Variants in ATRIP observed in about 807,000 individuals in gnomAD.
ATRIP encodes ATR-interacting protein.
ATRIP carries 44 observed loss-of-function variants against 78.1 expected under a neutral mutation model. The observed-to-expected ratio is 0.56, with a 90% CI of 0.44 to 0.72. The LOEUF is 0.72. Ranked by LOEUF, ATRIP falls within the 30% of genes least tolerant of loss-of-function variation. The pLI is 0.00. For missense variants in ATRIP, 927 were observed against 980.2 expected, an observed-to-expected ratio of 0.95 and a Z score of 0.72; for synonymous variants, 388 against 408.9, an observed-to-expected ratio of 0.95 and a Z score of 0.62.
At position 48,466,400 on chromosome 3, in the gene ATRIP, A is replaced by G. The variant is rs2040297573; in HGVS notation, c.*846A>G. On this transcript the variant is annotated 3_prime_UTR_variant, in exon 13 of 13. Transcript: ENST00000320211. ...TAAGGGGGCACTAGGGGAGGGGCCG[A>G]GTCATGTGAAGAGGGAGACCCTCTC... 10 of 1,577,072 alleles carry G rather than the reference A, an allele frequency of 6.3e-6. No homozygotes were observed. Among genetic ancestry groups the G allele is most frequent in the Non-Finnish European group, 8.7e-6 (10 of 1,151,602 alleles).
chr3:48,456,017 A>C (rs972332113), intron 4 of ATRIP, among the ~76,000 whole-genome samples: 4 of 152,084 alleles, frequency 2.6e-5, no homozygotes, highest in African/African-American at 9.7e-5. Context: ...GCTATTTGGG[A>C]GGCTGAGGCA....
rs778812101 is a variant in ATRIP at position 48,464,944 on chromosome 3, G to A, written c.2169G>A (p.Thr723=). Residue 723 remains threonine (T), a synonymous_variant, in exon 12 of 13, where the codon ACG becomes ACA. Transcript: ENST00000320211. Reference sequence around the variant, plus strand: ...GGACAGTGCGCTGTCTGCGGGACACGGTGCTGCTGCTGCACGGCCTATCGC... The same window carrying A: ...GGACAGTGCGCTGTCTGCGGGACACAGTGCTGCTGCTGCACGGCCTATCGC... The part of the protein sequence containing the change: ...QRRTVRCLRD[T]VLLLHGLSQK... The A allele has an allele frequency of 1.2e-5, 20 of 1,614,048 alleles. No individual in the cohort carries two copies. The highest frequency in any genetic ancestry group is 6.7e-5 in the Admixed American group (4 of 60,010).
At chr3:48,461,207 C>G (rs747654) in intron 8 of ATRIP, among the ~76,000 whole-genome samples, 2 of 152,140 alleles carry the variant, frequency 1.3e-5, no homozygotes, top group Non-Finnish European at 2.9e-5. Flanking sequence ...CTGCAGCCCA[C>G]GGGCTGACCT....
At chr3:48,457,930 G>T (rs990734369) in intron 5 of ATRIP, among the ~76,000 whole-genome samples, 1 of 151,972 alleles carries the variant, frequency 6.6e-6, no homozygotes, top group Non-Finnish European at 1.5e-5. Flanking sequence ...ACGTGCAGGT[G>T]TGTTACGTAT....
rs199694872 is a variant in ATRIP, at chr3:48,460,628, C to T, written c.1574C>T (p.Ala525Val). Reference sequence around the variant, plus strand: ...CTTAGTGATGGAGATATGACCTCAGCCCTAAGGGGGGTTGCTGATGACCAA... The same window carrying T: ...CTTAGTGATGGAGATATGACCTCAGTCCTAAGGGGGGTTGCTGATGACCAA... ...HRLSDGDMTS[A>V]LRGVADDQGQ... Residue 525 changes from alanine (A) to valine (V), a missense_variant, in exon 8 of 13, where the codon GCC (alanine) becomes GTC (valine). By Grantham distance (64) the Ala-to-Val change is moderately conservative. Coordinates refer to ENST00000320211, the MANE Select transcript of ATRIP (RefSeq NM_130384.3). 1.9e-6 allele frequency: 3 copies of T among 1,614,152 alleles called. No individual in the cohort carries two copies. Among genetic ancestry groups the T allele is most frequent in the Non-Finnish European group, 2.5e-6 (3 of 1,180,008 alleles).
Position 48,454,885 on chromosome 3 carries a change from C to T in ATRIP, c.671+467C>T, listed in dbSNP as rs144021211. ...TTTTTTTTTTCTTTTTTTTTTGAGA[C>T]AGAGTCTCGCTCTGTCACCCAGGCT... On this transcript the variant is annotated intron_variant, in intron 4 of 12. Transcript: ENST00000320211. Among the ~76,000 whole-genome samples the T allele has an allele frequency of 3.4e-3, 493 of 143,278 alleles. 3 individuals carry two copies. Among genetic ancestry groups the T allele is most frequent in the African/African-American group, 0.012 (472 of 39,456 alleles). The allele number at this position is 143,278 out of a possible 152,430, so 94.0% of individuals were successfully genotyped here.
intron 8 of ATRIP, among the ~76,000 whole-genome samples, chr3:48,461,727 G>A (rs541620173): frequency 3.3e-5 from 5 of 152,108 alleles, no homozygotes; most frequent in African/African-American, 1.2e-4. Context: ...GTTTTGAGAC[G>A]AAGTTTTGCT....
At chr3:48,452,724 G>T (rs2039863855) in intron 3 of ATRIP, among the ~76,000 whole-genome samples, 1 of 151,994 alleles carries the variant, frequency 6.6e-6, no homozygotes, top group Admixed American at 6.6e-5. Flanking sequence ...CTCATCTCAA[G>T]TTTTAAAATT....
rs944617341 is a variant in ATRIP at position 48,454,931 on chromosome 3, C to T, written c.671+513C>T. Among the ~76,000 whole-genome samples, 4 of 150,616 alleles carry T rather than the reference C, an allele frequency of 2.7e-5. 1 individual carries two copies. Among genetic ancestry groups the T allele is most frequent in the Admixed American group, 1.3e-4 (2 of 15,024 alleles). ...AGGCTGGAGTACAGTGGTACAATCT[C>T]GGCTCACTGCAACCTCCGCCTCCTG... On this transcript the variant is annotated intron_variant, in intron 4 of 12. Transcript: ENST00000320211.
intron 1 of ATRIP, chr3:48,447,619 T>C: frequency 1.2e-6 from 1 of 829,430 alleles, no homozygotes; most frequent in Non-Finnish European, 1.5e-6. Context: ...ATGAACAAAA[T>C]ACAAAAACTG....
chr3:48,461,338 A>C (rs1249522962), intron 8 of ATRIP: 1 of 152,428 alleles, frequency 6.6e-6, no homozygotes, highest in African/African-American at 2.4e-5. Context: ...CTGTGATCAT[A>C]AATTCCTCCC....
rs147301531 is a variant in ATRIP at position 48,447,187 on chromosome 3, G to A, written c.247+95G>A. 2.1e-4 allele frequency: 273 copies of A among 1,306,216 alleles called. No individual in the cohort carries two copies. The African/African-American group carries it at 3.5e-3, about 17-fold the overall frequency. The allele number at this position is 1,306,216 out of a possible 1,614,324, so 80.9% of individuals were successfully genotyped here. ...GCTTCGGAACCTCGCGGCCAGCACT[G>A]CCTTTTCGCCTTTTTAAAATATGGG... On this transcript the variant is annotated intron_variant, in intron 1 of 12. Coordinates refer to ENST00000320211, the MANE Select transcript of ATRIP (RefSeq NM_130384.3).
chr3:48,451,748 A>G lies in ATRIP; in HGVS notation c.401A>G (p.Glu134Gly). 1.9e-6 allele frequency: 3 copies of G among 1,596,866 alleles called. No homozygotes were observed. Among genetic ancestry groups the G allele is most frequent in the Non-Finnish European group, 1.7e-6 (2 of 1,171,602 alleles). ...LKEKMKVMEE[E>G]VLIKNGEIKI... ...TTACAGATGAAAGTAATGGAAGAAGAAGTTCTCATTAAGAATGGAGAAATT... is the reference window on the plus strand; with the variant it reads ...TTACAGATGAAAGTAATGGAAGAAGGAGTTCTCATTAAGAATGGAGAAATT... Residue 134 changes from glutamate (E) to glycine (G), a missense_variant, in exon 3 of 13, where the codon GAA (glutamate) becomes GGA (glycine). Coordinates refer to ENST00000320211, the MANE Select transcript of ATRIP (RefSeq NM_130384.3).
chr3:48,447,400 C>A (rs944698952), intron 1 of ATRIP: 50 of 1,062,332 alleles, frequency 4.7e-5, no homozygotes, highest in Non-Finnish European at 5.6e-5. Context: ...CCTACCACCA[C>A]CATCAGAACC....
Position 48,466,684 on chromosome 3 carries a change from C to A in ATRIP, c.*1130C>A, listed in dbSNP as rs1460993756. On this transcript the variant is annotated 3_prime_UTR_variant, in exon 13 of 13. Transcript: ENST00000320211. ...GGCTCGCAGGCCCTGCCCCCGGGGC[C>A]CATGCAGACCCTCATCTTTTTCGAC... 1.7e-5 allele frequency: 27 copies of A among 1,613,910 alleles called. No homozygotes were observed. Among genetic ancestry groups the A allele is most frequent in the Non-Finnish European group, 2.3e-5 (27 of 1,179,996 alleles).
intron 5 of ATRIP, 96 bp from the exon 6 acceptor site, chr3:48,459,263 A>T: frequency 2.0e-6 from 2 of 1,014,038 alleles, no homozygotes; most frequent in South Asian, 1.4e-5. Flanking sequence ...TCGAAGAAGT[A>T]GAACAGCGTG....
At position 48,466,992 on chromosome 3, in the gene ATRIP, C is replaced by T. The variant is rs759594113; in HGVS notation, c.*1438C>T. On this transcript the variant is annotated 3_prime_UTR_variant, in exon 13 of 13. Transcript: ENST00000320211. The stretch of plus-strand genomic sequence containing the variant: ...GGCCAACCTGCTCCTAGCCTTCCTG[C>T]GGCGCCAGCCACAGCCCTGGTGCCT... 2.9e-5 allele frequency: 47 copies of T among 1,613,184 alleles called. No individual in the cohort carries two copies. The highest frequency in any genetic ancestry group is 8.3e-5 in the Admixed American group (5 of 59,998).
chr3:48,459,452 A>G lies in ATRIP; in HGVS notation c.923A>G (p.Gln308Arg). Reference protein sequence around the residue: ...VDSWRQRSNTQGSILINLLLK... With the variant: ...VDSWRQRSNTRGSILINLLLK... ...AGCTGGAGACAGAGATCAAACACTC[A>G]AGGTACCAGAATCCCTGCTTCTCCT... Residue 308 changes from glutamine to arginine, a missense_variant and splice_region_variant, in exon 6 of 13, where the codon CAA (glutamine) becomes CGA (arginine). Transcript: ENST00000320211. 6.2e-7 allele frequency: 1 copy of G among 1,613,252 alleles called. No homozygotes were observed. The highest frequency in any genetic ancestry group is 1.1e-5 in the South Asian group (1 of 91,072).
Position 48,446,843 on chromosome 3 carries a change from A to G in ATRIP, c.-3A>G. 7.2e-7 allele frequency: 1 copy of G among 1,398,406 alleles called. No individual in the cohort carries two copies. Among genetic ancestry groups the G allele is most frequent in the Non-Finnish European group, 9.3e-7 (1 of 1,076,934 alleles). 86.6% of individuals were successfully genotyped at this position (1,398,406 alleles called of 1,614,324 possible). On this transcript the variant is annotated 5_prime_UTR_variant, in exon 1 of 13. Coordinates refer to ENST00000320211, the MANE Select transcript of ATRIP (RefSeq NM_130384.3). ...TGTCGGATACTTGGGGTGAGCGGAA[A>G]GCATGGCGGGGACCTCCGCGCCAGG...
Sources: gnomAD v4.1 joint callset for allele counts (sites outside exome capture counted in the v4.1 genomes callset) on GRCh38, gnomAD v4.1.1 for gene constraint, MANE v1.5 for transcripts, NCBI Gene and HGNC (gene_info 2026-07-23, HGNC 2026-07-21) for gene names.